Variants in SETD2 observed in about 807,000 individuals in gnomAD.
SETD2 encodes histone-lysine N-methyltransferase SETD2.
SETD2 carries 31 observed loss-of-function variants against 242.1 expected under a neutral mutation model. The ratio of observed to expected loss-of-function variants is 0.13; its 90% confidence interval spans 0.10 to 0.17. SETD2 has a LOEUF of 0.17. SETD2 is among the 10% of genes least tolerant of loss of function. The probability of loss-of-function intolerance (pLI) is 1.00; values close to 1 mark genes in which losing one functional copy is unlikely to be tolerated. For synonymous variants in SETD2, 1,006 were observed against 1,066.5 expected (o/e 0.94, Z 1.11); for missense variants, 2,481 against 3,046.3 (o/e 0.81, Z 4.37).
intron 13 of SETD2, among the ~76,000 whole-genome samples, chr3:47,066,369 A>G (rs1489441531): frequency 6.6e-6 from 1 of 152,142 alleles, no homozygotes; most frequent in Non-Finnish European, 1.5e-5. Flanking sequence ...CCTTTTAGAG[A>G]CAGGGCCTCA....
intron 1 of SETD2, chr3:47,127,618 T>G (rs749829909): frequency 1.2e-5 from 5 of 426,680 alleles, no homozygotes; most frequent in Admixed American, 7.9e-5. Flanking sequence ...TCCCAGCACT[T>G]TGGGAGGCCG....
At position 47,016,806 on chromosome 3, in the gene SETD2, A is replaced by G; in HGVS notation, c.*287T>C. ...CTGTGCGCTGACAGCACCGCCAAGG[A>G]GAAGACCCAGGTTTAAGAGTGGAGT... On this transcript the variant is annotated 3_prime_UTR_variant, in exon 21 of 21. Coordinates refer to ENST00000409792, the MANE Select transcript of SETD2 (RefSeq NM_014159.7). 2.5e-6 allele frequency: 1 copy of G among 403,340 alleles called. No homozygotes were observed. The highest frequency in any genetic ancestry group is 5.4e-5 in the South Asian group (1 of 18,478). The allele number at this position is 403,340 out of a possible 1,614,324, so 25.0% of individuals were successfully genotyped here.
chr3:47,148,554 T>C (rs2043915347), intron 1 of SETD2, among the ~76,000 whole-genome samples: 1 of 152,220 alleles, frequency 6.6e-6, no homozygotes, highest in South Asian at 2.1e-4. Context: ...CAATTTTTTA[T>C]ACCTTCTTTC....
At chr3:47,102,861 T>C (rs1330264674) in intron 7 of SETD2, among the ~76,000 whole-genome samples, 1 of 151,284 alleles carries the variant, frequency 6.6e-6, no homozygotes, top group Non-Finnish European at 1.5e-5. Flanking sequence ...ATGTTGCACC[T>C]AGATAAGACC....
At chr3:47,042,808 TAAAAA>T (rs1035116648) in intron 16 of SETD2, 108 bp from the exon 17 acceptor site, 45 of 983,914 alleles carry the variant, frequency 4.6e-5, no homozygotes, top group Non-Finnish European at 6.7e-5. Flanking sequence ...TACCTCCTCT[TAAAAA>T]AAGGATAAAG....
intron 15 of SETD2, among the ~76,000 whole-genome samples, chr3:47,049,847 TTATA>T (rs1290609690): frequency 2.1e-5 from 3 of 145,750 alleles, no homozygotes; most frequent in African/African-American, 5.0e-5. Context: ...TGAGTTTATA[TTATA>T]TATAATATAT....
chr3:47,051,968 CA>C (rs902309404), intron 15 of SETD2, among the ~76,000 whole-genome samples: 36 of 152,230 alleles, frequency 2.4e-4, no homozygotes, highest in African/African-American at 7.9e-4. Context: ...AGAACACTTC[CA>C]AATGTTGGCT....
intron 15 of SETD2, among the ~76,000 whole-genome samples, chr3:47,049,474 G>A (rs560582368): frequency 1.5e-4 from 22 of 143,818 alleles, no homozygotes; most frequent in South Asian, 8.6e-4. Context: ...CCGGGTTCAC[G>A]CCATTCTCCT....
chr3:47,081,997 C>T (rs1313680972), intron 12 of SETD2, among the ~76,000 whole-genome samples: 2 of 151,998 alleles, frequency 1.3e-5, no homozygotes, highest in African/African-American at 4.8e-5. Context: ...TATAAAATTG[C>T]TTTGATGTTT....
chr3:47,116,903 A>G, intron 3 of SETD2, 149 bp from the exon 4 acceptor site: 1 of 567,270 alleles, frequency 1.8e-6, no homozygotes, highest in Non-Finnish European at 3.0e-6. Flanking sequence ...GGGTGCAGTG[A>G]TGCGATCATG....
intron 1 of SETD2, among the ~76,000 whole-genome samples, chr3:47,138,707 C>T (rs1237071969): frequency 6.6e-6 from 1 of 152,090 alleles, no homozygotes; most frequent in Admixed American, 6.6e-5. Context: ...AGGCGTGAGC[C>T]ACCGCGCCCA....
chr3:47,020,076 C>G (rs1199946537), intron 18 of SETD2, among the ~76,000 whole-genome samples: 1 of 152,034 alleles, frequency 6.6e-6, no homozygotes, highest in Non-Finnish European at 1.5e-5. Context: ...AATTCTCTAC[C>G]CTAAGTCAAA....
chr3:47,156,780 G>T (rs1269596992), intron 1 of SETD2, among the ~76,000 whole-genome samples: 1 of 152,084 alleles, frequency 6.6e-6, no homozygotes, highest in Admixed American at 6.6e-5. Context: ...ATGAAATCTG[G>T]TAACCACATG....
At chr3:47,037,386 G>A (rs896074109) in intron 18 of SETD2, among the ~76,000 whole-genome samples, 2 of 148,632 alleles carry the variant, frequency 1.3e-5, no homozygotes, top group African/African-American at 5.0e-5. Flanking sequence ...GCGGTGTTTG[G>A]TTTTTTGTCC....
chr3:47,111,402 C>A (rs2107711808), intron 5 of SETD2, among the ~76,000 whole-genome samples: 1 of 152,026 alleles, frequency 6.6e-6, no homozygotes, highest in South Asian at 2.1e-4. Flanking sequence ...CCCATCTCTA[C>A]AAAAAATAGA....
intron 12 of SETD2, chr3:47,081,213 T>A (rs1279699748): frequency 2.4e-6 from 1 of 415,102 alleles, no homozygotes; most frequent in East Asian, 1.8e-4. Context: ...TAGTCTGCCA[T>A]CACAGCAAAA....
At chr3:47,098,938 CTTT>C (rs1247303211) in intron 8 of SETD2, among the ~76,000 whole-genome samples, 4 of 152,138 alleles carry the variant, frequency 2.6e-5, no homozygotes, top group Non-Finnish European at 4.4e-5. Flanking sequence ...TTCCACTTTT[CTTT>C]CCCTCAGAGA....
At chr3:47,042,111 G>A (rs914102291) in intron 17 of SETD2, among the ~76,000 whole-genome samples, 8 of 152,186 alleles carry the variant, frequency 5.3e-5, no homozygotes, top group African/African-American at 1.4e-4. Context: ...CCAGCACTTT[G>A]GGAGGCCAAG....
chr3:47,051,279 A>G (rs544405759), intron 15 of SETD2, among the ~76,000 whole-genome samples: 5 of 151,938 alleles, frequency 3.3e-5, no homozygotes, highest in African/African-American at 7.2e-5. Flanking sequence ...TAATTTTTGT[A>G]TTTTTTGTAA....
Sources: gnomAD v4.1 joint callset for allele counts (sites outside exome capture counted in the v4.1 genomes callset) on GRCh38, gnomAD v4.1.1 for gene constraint, MANE v1.5 for transcripts, NCBI Gene and HGNC (gene_info 2026-07-23, HGNC 2026-07-21) for gene names.